CCDC7: variants seen among roughly 807,000 people sequenced by gnomAD.
CCDC7 encodes coiled-coil domain containing 7.
CCDC7 carries 183 observed loss-of-function variants against 196.9 expected under a neutral mutation model. The ratio of observed to expected loss-of-function variants is 0.93; its 90% CI spans 0.82 to 1.05. CCDC7 has a LOEUF of 1.05. CCDC7 is among the 50% of genes least tolerant of loss of function. The probability of loss-of-function intolerance (pLI) is 0.00; values close to 1 mark genes in which losing one functional copy is unlikely to be tolerated. For synonymous variants in CCDC7, 525 were observed against 484.6 expected (o/e 1.08, Z -1.10); for missense variants, 1,540 against 1,482.2 (o/e 1.04, Z -0.64).
At chr10:32,670,147 T>C (rs944274142) in intron 21 of CCDC7, among the ~76,000 whole-genome samples, 9 of 152,078 alleles carry the variant, frequency 5.9e-5, no homozygotes, top group Non-Finnish European at 1.0e-4. Flanking sequence ...TCTGGATCAT[T>C]CCCTTTTCGT....
intron 28 of CCDC7, among the ~76,000 whole-genome samples, chr10:32,744,584 C>T (rs183970548): frequency 2.0e-5 from 3 of 152,254 alleles, no homozygotes; most frequent in Non-Finnish European, 2.9e-5. Context: ...TGTTACACAT[C>T]TCTTTATATG....
chr10:32,731,322 G>T (rs1299395758), intron 28 of CCDC7, among the ~76,000 whole-genome samples: 1 of 152,022 alleles, frequency 6.6e-6, no homozygotes, highest in African/African-American at 2.4e-5. Flanking sequence ...TAGTTGAATT[G>T]TTTATCAGTT....
intron 18 of CCDC7, among the ~76,000 whole-genome samples, chr10:32,598,735 C>T (rs1313439549): frequency 1.3e-5 from 2 of 152,186 alleles, no homozygotes; most frequent in African/African-American, 4.8e-5. Context: ...AATTTTCCAT[C>T]TCTAATTTCT....
intron 31 of CCDC7, among the ~76,000 whole-genome samples, chr10:32,815,318 C>G (rs928034009): frequency 6.6e-6 from 1 of 151,750 alleles, no homozygotes; most frequent in African/African-American, 2.4e-5. Flanking sequence ...ATAATAATAT[C>G]ATCAAATAAT....
upstream of CCDC7, among the ~76,000 whole-genome samples, chr10:32,449,478 G>A (rs2032410484): frequency 3.3e-5 from 5 of 152,116 alleles, no homozygotes; most frequent in South Asian, 1.0e-3. Flanking sequence ...GAGCCAATGC[G>A]CCTGGCCTAT....
intron 28 of CCDC7, among the ~76,000 whole-genome samples, chr10:32,755,736 A>G (rs550885308): frequency 6.6e-6 from 1 of 152,298 alleles, no homozygotes; most frequent in African/African-American, 2.4e-5. Flanking sequence ...GCAGCAGAAC[A>G]AAGCTGGACG....
At chr10:32,847,751 CAAAAG>C in intron 37 of CCDC7, 77 bp from the exon 39 acceptor site, 3 of 844,974 alleles carry the variant, frequency 3.6e-6, no homozygotes, top group Non-Finnish European at 5.5e-6. Flanking sequence ...AAAGAAATTT[CAAAAG>C]AAAAAAGAAC....
chr10:32,792,757 G>C (rs1190376082), intron 29 of CCDC7, among the ~76,000 whole-genome samples: 1 of 152,270 alleles, frequency 6.6e-6, no homozygotes, highest in East Asian at 1.9e-4. Context: ...CCGAGATCAC[G>C]CCATTGCACT....
At chr10:32,867,335 T>G (rs903484977) in intron 41 of CCDC7, among the ~76,000 whole-genome samples, 9 of 151,794 alleles carry the variant, frequency 5.9e-5, no homozygotes, top group Non-Finnish European at 1.2e-4. Context: ...GTTACCCCTC[T>G]ATAGTTCAGA....
intron 11 of CCDC7, among the ~76,000 whole-genome samples, chr10:32,522,052 T>TTTAA (rs1239798982): frequency 6.6e-6 from 1 of 152,190 alleles, no homozygotes; most frequent in African/African-American, 2.4e-5. Flanking sequence ...GAATGATCCT[T>TTTAA]TTAATGTATT....
chr10:32,694,779 A>C (rs1010303806), intron 23 of CCDC7, 100 bp from the exon 25 acceptor site: 1 of 610,256 alleles, frequency 1.6e-6, no homozygotes, highest in Non-Finnish European at 2.7e-6. Context: ...AAATTTATCA[A>C]AATGAGAAAA....
intron 18 of CCDC7, among the ~76,000 whole-genome samples, chr10:32,595,497 TC>T (rs1372382999): frequency 5.9e-5 from 9 of 152,316 alleles, no homozygotes; most frequent in African/African-American, 1.9e-4. Flanking sequence ...AAAAACCATC[TC>T]CTGGATTCAT....
intron 20 of CCDC7, among the ~76,000 whole-genome samples, chr10:32,649,790 C>A (rs2068407644): frequency 6.6e-6 from 1 of 152,202 alleles, no homozygotes; most frequent in South Asian, 2.1e-4. Flanking sequence ...CTTTCCTCAA[C>A]TTGGTCTATT....
rs895184748 is a variant in CCDC7, at chr10:32,797,145, A to C, written c.3014-7870A>C. On this transcript the variant is annotated intron_variant, in intron 29 of 41. Transcript: ENST00000639629. ...AATGCCCATCAATCAACGAGTGGAT[A>C]AACTGTGGTATGTGTATGTATATAT... 1.6e-4 allele frequency among the ~76,000 whole-genome samples: 25 copies of C among 152,042 alleles called. 1 individual carries two copies. Among genetic ancestry groups the C allele is most frequent in the Admixed American group, 9.2e-4 (14 of 15,250 alleles).
At chr10:32,705,863 A>G (rs895574010) in intron 24 of CCDC7, among the ~76,000 whole-genome samples, 2 of 152,090 alleles carry the variant, frequency 1.3e-5, no homozygotes, top group African/African-American at 4.8e-5. Flanking sequence ...CCCACACAAT[A>G]ACAATGGGAG....
At chr10:32,684,127 C>G (rs2141095721) in intron 21 of CCDC7, among the ~76,000 whole-genome samples, 1 of 152,268 alleles carries the variant, frequency 6.6e-6, no homozygotes, top group African/African-American at 2.4e-5. Flanking sequence ...TGCTGGGGAC[C>G]TAGGCCGATT....
intron 18 of CCDC7, among the ~76,000 whole-genome samples, chr10:32,587,552 G>C (rs545143967): frequency 1.3e-5 from 2 of 152,216 alleles, no homozygotes; most frequent in African/African-American, 2.4e-5. Context: ...GTTGCACCAG[G>C]GATTAAGTTT....
rs188971025 is a variant in CCDC7 at position 32,614,072 on chromosome 10, T to G, written c.1802-20182T>G. Among the ~76,000 whole-genome samples, 130 of 152,296 alleles carry G rather than the reference T, an allele frequency of 8.5e-4. 1 individual carries two copies. The highest frequency in any genetic ancestry group is 2.8e-3 in the African/African-American group (118 of 41,552). Reference sequence around the variant, plus strand: ...CTTTGTAGGCCTTTAAGAAGTTTCTTTATGAATCTGGGTGTTCCTGTATTG... The same window carrying G: ...CTTTGTAGGCCTTTAAGAAGTTTCTGTATGAATCTGGGTGTTCCTGTATTG... On this transcript the variant is annotated intron_variant, in intron 18 of 41. Transcript: ENST00000639629.
chr10:32,714,955 G>T (rs532910803), intron 25 of CCDC7, among the ~76,000 whole-genome samples: 6 of 152,324 alleles, frequency 3.9e-5, no homozygotes, highest in Non-Finnish European at 5.9e-5. Flanking sequence ...GGGGGAAGGG[G>T]TGGCTGTGGG....
Sources: gnomAD v4.1 joint callset for allele counts (sites outside exome capture counted in the v4.1 genomes callset) on GRCh38, gnomAD v4.1.1 for gene constraint, MANE v1.5 for transcripts, NCBI Gene and HGNC (gene_info 2026-07-23, HGNC 2026-07-21) for gene names.